Variants in ARHGEF3 observed in about 807,000 individuals in gnomAD.
ARHGEF3 encodes the protein Rho guanine nucleotide exchange factor 3, also known as 59.8 kDA protein.
A neutral mutation model predicts 63.2 loss-of-function variants in ARHGEF3; 28 were observed. That is an observed-to-expected ratio of 0.44 (90% confidence interval 0.33 to 0.61). ARHGEF3 has a LOEUF of 0.61. Ranked by LOEUF, ARHGEF3 falls within the 20% of genes least tolerant of loss-of-function variation. The probability of loss-of-function intolerance (pLI) is 0.03; values close to 1 mark genes in which losing one functional copy is unlikely to be tolerated. For synonymous variants in ARHGEF3, 266 were observed against 254.2 expected (o/e 1.05, Z -0.44); for missense variants, 533 against 659.3 (o/e 0.81, Z 2.10).
At chr3:57,049,631 G>C (rs1468023806) in intron 1 of ARHGEF3, among the ~76,000 whole-genome samples, 1 of 152,192 alleles carries the variant, frequency 6.6e-6, no homozygotes. Context: ...AGATGTCTAG[G>C]CTTTACTACC....
At chr3:57,016,223 G>A (rs1389402930) in intron 2 of ARHGEF3, among the ~76,000 whole-genome samples, 1 of 151,968 alleles carries the variant, frequency 6.6e-6, no homozygotes, top group Non-Finnish European at 1.5e-5. Flanking sequence ...GCAGGCAGGT[G>A]GACTGAAACT....
intron 1 of ARHGEF3, among the ~76,000 whole-genome samples, chr3:56,798,991 C>G (rs535970840): frequency 2.6e-5 from 4 of 152,098 alleles, no homozygotes; most frequent in African/African-American, 9.7e-5. Context: ...ATATTATAAT[C>G]CCTGTAGAAT....
At chr3:57,053,834 G>A (rs1185626671) in intron 1 of ARHGEF3, among the ~76,000 whole-genome samples, 1 of 152,262 alleles carries the variant, frequency 6.6e-6, no homozygotes, top group East Asian at 1.9e-4. Context: ...ATGCAGCAGT[G>A]GTTCCTTCTT....
intron 3 of ARHGEF3, among the ~76,000 whole-genome samples, chr3:56,895,106 T>G (rs538102889): frequency 7.0e-6 from 1 of 143,336 alleles, no homozygotes; most frequent in African/African-American, 2.5e-5. Flanking sequence ...CTCCCTGTAA[T>G]TTGGGGTTGT....
At chr3:56,829,613 C>A (rs1162726277) in intron 4 of ARHGEF3, among the ~76,000 whole-genome samples, 3 of 152,204 alleles carry the variant, frequency 2.0e-5, no homozygotes, top group African/African-American at 7.2e-5. Context: ...ACAGACAGAG[C>A]TATCTGAAGC....
chr3:57,055,354 G>C (rs1003406289), intron 1 of ARHGEF3, among the ~76,000 whole-genome samples: 5 of 151,960 alleles, frequency 3.3e-5, no homozygotes, highest in Admixed American at 1.3e-4. Context: ...AAGAGACGGG[G>C]TTCCACTATG....
chr3:56,820,431 A>G (rs750427142), intron 4 of ARHGEF3, among the ~76,000 whole-genome samples: 1 of 152,206 alleles, frequency 6.6e-6, no homozygotes, highest in Non-Finnish European at 1.5e-5. Flanking sequence ...ATTCTGCCAG[A>G]AAAATGACCT....
chr3:57,076,804 GCCATGGAGCAGGAGTC>G (rs758566759), intron 1 of ARHGEF3: 3 of 152,258 alleles, frequency 2.0e-5, no homozygotes, highest in Non-Finnish European at 4.4e-5. Context: ...CCCGCTGTAT[GCCATGGAGCAGGAGTC>G]AGTAGTCAAC....
chr3:56,754,087 C>T (rs1238907096), intron 3 of ARHGEF3, among the ~76,000 whole-genome samples: 4 of 152,216 alleles, frequency 2.6e-5, no homozygotes, highest in Non-Finnish European at 1.5e-5. Context: ...CATTTTATCA[C>T]TCCAAATACA....
intron 4 of ARHGEF3, among the ~76,000 whole-genome samples, chr3:56,873,108 C>T (rs1166996815): frequency 6.6e-6 from 1 of 152,124 alleles, no homozygotes; most frequent in Non-Finnish European, 1.5e-5. Flanking sequence ...AGGTGATCCT[C>T]CCACCTCAGC....
At chr3:57,051,624 CA>C (rs1364739734) in intron 1 of ARHGEF3, among the ~76,000 whole-genome samples, 1 of 152,212 alleles carries the variant, frequency 6.6e-6, no homozygotes, top group African/African-American at 2.4e-5. Context: ...GTGCTTTGCA[CA>C]AACTGGCTCA....
In ARHGEF3 at chr3:56,848,663, CTTTA is replaced by C. The variant is rs1348075192; in HGVS notation, c.192+33625_192+33628del. Among the ~76,000 whole-genome samples the C allele has an allele frequency of 7.9e-5, 12 of 152,110 alleles. No homozygotes were observed. In the East Asian group the frequency reaches 1.9e-3, roughly 25 times the overall value. The stretch of plus-strand genomic sequence containing the variant: ...GCCACGCAACTCTCTCCCACTAAGA[CTTTA>C]TTTGTTTATTTATTTTGAGATGGAG... On this transcript the variant is annotated intron_variant, in intron 4 of 12. Coordinates refer to the ARHGEF3 transcript ENST00000338458.
chr3:57,014,073 C>T (rs934170017), intron 2 of ARHGEF3, among the ~76,000 whole-genome samples: 13 of 152,090 alleles, frequency 8.5e-5, no homozygotes, highest in African/African-American at 2.7e-4. Context: ...TTAAAGCCAG[C>T]GAGACCACGA....
At chr3:56,961,276 G>A (rs1365596636) in intron 2 of ARHGEF3, among the ~76,000 whole-genome samples, 5 of 152,124 alleles carry the variant, frequency 3.3e-5, no homozygotes, top group Admixed American at 3.3e-4. Flanking sequence ...ATAACATTAT[G>A]TAATATGATA....
chr3:56,935,483 G>A (rs963380858), intron 3 of ARHGEF3, among the ~76,000 whole-genome samples: 3 of 152,104 alleles, frequency 2.0e-5, no homozygotes, highest in Non-Finnish European at 2.9e-5. Context: ...AATAAATCTT[G>A]CTACTGCTCA....
chr3:57,037,140 T>C (rs768545655), intron 1 of ARHGEF3, among the ~76,000 whole-genome samples: 1 of 152,074 alleles, frequency 6.6e-6, no homozygotes, highest in Non-Finnish European at 1.5e-5. Flanking sequence ...AGCTGAGACA[T>C]GTGCATTATG....
chr3:56,967,401 A>AATATTATATAATATAAT lies in ARHGEF3; in HGVS notation c.63-8513_63-8512insATTATATTATATAATAT, dbSNP rs1553793829. Among the ~76,000 whole-genome samples the AATATTATATAATATAAT allele has an allele frequency of 1.3e-3, 39 of 29,802 alleles. 2 individuals carry two copies. Among genetic ancestry groups the AATATTATATAATATAAT allele is most frequent in the African/African-American group, 5.2e-3 (39 of 7,436 alleles). The allele number at this position is 29,802 out of a possible 152,430, so 19.6% of individuals were successfully genotyped here. On this transcript the variant is annotated intron_variant, in intron 2 of 12. Coordinates refer to the ARHGEF3 transcript ENST00000338458. ...ATATTATACATATTATATATTATAT[A>AATATTATATAATATAAT]ATATATTATATATTATACATATTAT... is the stretch of plus-strand genomic sequence containing the variant.
intron 1 of ARHGEF3, among the ~76,000 whole-genome samples, chr3:57,059,190 T>G (rs1363502827): frequency 6.6e-6 from 1 of 152,122 alleles, no homozygotes; most frequent in East Asian, 1.9e-4. Context: ...TAACTATGCC[T>G]TTTTTTACTA....
At chr3:57,002,529 T>C (rs1306729452) in intron 2 of ARHGEF3, among the ~76,000 whole-genome samples, 3 of 73,376 alleles carry the variant, frequency 4.1e-5, no homozygotes, top group Admixed American at 3.3e-4. Flanking sequence ...ATATGTATGT[T>C]ATATATGTAA....
Sources: gnomAD v4.1 joint callset for allele counts (sites outside exome capture counted in the v4.1 genomes callset) on GRCh38, gnomAD v4.1.1 for gene constraint, MANE v1.5 for transcripts, NCBI Gene and HGNC (gene_info 2026-07-23, HGNC 2026-07-21) for gene names.